The following RASGRF1 variants were observed in gnomAD, a reference collection of about 807,000 sequenced individuals.
RASGRF1 encodes ras-specific guanine nucleotide-releasing factor 1.
A neutral mutation model predicts 138.7 loss-of-function variants in RASGRF1; 40 were observed. The observed-to-expected ratio is 0.29, with a 90% CI of 0.22 to 0.38. The LOEUF is 0.38. Among genes scored for constraint, RASGRF1 ranks in the 10% least tolerant of loss-of-function variants. The pLI, the probability that RASGRF1 is intolerant of heterozygous loss-of-function variation, is 1.00. For synonymous variants in RASGRF1, 614 were observed against 663.2 expected (o/e 0.93, Z 1.14); for missense variants, 1,108 against 1,650.4 (o/e 0.67, Z 5.69).
At chr15:79,077,707 C>A (rs1028428029) in intron 1 of RASGRF1, among the ~76,000 whole-genome samples, 7 of 152,094 alleles carry the variant, frequency 4.6e-5, no homozygotes, top group African/African-American at 1.7e-4. Flanking sequence ...CCAGTTGTAT[C>A]CGTTTTTCCT....
chr15:78,978,437 T>C, intron 24 of RASGRF1: 1 of 814,898 alleles, frequency 1.2e-6, no homozygotes, highest in South Asian at 5.6e-5. Flanking sequence ...GTTGGCAAGG[T>C]TGGTTTCTAG....
intron 4 of RASGRF1, among the ~76,000 whole-genome samples, chr15:79,048,629 A>G (rs774306032): frequency 9.2e-5 from 14 of 152,232 alleles, no homozygotes; most frequent in Non-Finnish European, 2.1e-4. Context: ...AGAAATCCAG[A>G]TTTTTGTGTG....
chr15:78,978,711 T>C, intron 24 of RASGRF1: 1 of 1,074,506 alleles, frequency 9.3e-7, no homozygotes, highest in Non-Finnish European at 1.1e-6. Flanking sequence ...TCAGTATTCA[T>C]GCAACACCGC....
At chr15:79,053,576 G>T (rs916888767) in intron 3 of RASGRF1, among the ~76,000 whole-genome samples, 16 of 152,370 alleles carry the variant, frequency 1.1e-4, no homozygotes, top group Middle Eastern at 3.4e-3. Context: ...CCTTCATGGG[G>T]CTTTCTGGTA....
chr15:78,977,499 A>C (rs2055897704), intron 24 of RASGRF1, among the ~76,000 whole-genome samples: 3 of 152,220 alleles, frequency 2.0e-5, no homozygotes, highest in Admixed American at 2.0e-4. Context: ...CTCTGTGGTC[A>C]CAGGCAGAGA....
chr15:79,077,049 C>A (rs1052031876), intron 1 of RASGRF1, among the ~76,000 whole-genome samples: 1 of 152,196 alleles, frequency 6.6e-6, no homozygotes, highest in South Asian at 2.1e-4. Flanking sequence ...TTCATGAAAG[C>A]CATCCGTGCC....
Position 79,027,771 on chromosome 15 carries a change from G to T in RASGRF1, c.1351C>A (p.Leu451Met). 1.2e-6 allele frequency: 2 copies of T among 1,614,234 alleles called. No individual in the cohort carries two copies. The highest frequency in any genetic ancestry group is 1.7e-6 in the Non-Finnish European group (2 of 1,180,038). Residue 451 changes from leucine (L) to methionine (M), a missense_variant, in exon 9 of 27, where the codon CTG (leucine) becomes ATG (methionine). Physicochemically the swap from Leu to Met is conservative, Grantham distance 15. Around this residue, in one of 3 missense-constraint regions of RASGRF1, gnomAD observed 169 missense variants for 344.2 expected, o/e 0.49. Coordinates refer to ENST00000558480, the MANE Select transcript of RASGRF1 (RefSeq NM_001145648.3). This position sits in a 1 kb window ranked among gnomAD's most constrained non-coding sequence, Gnocchi z 4.8. ...RMIIEGCEIL[L>M]DTSQTFVRQG... is the part of the protein sequence containing the mutation. ...CTCACAAAGGTCTGGCTGGTGTCCA[G>T]GAGGATCTCACAGCCTTCGATGATC...
At chr15:79,011,205 G>A (rs1051613026) in intron 13 of RASGRF1, among the ~76,000 whole-genome samples, 26 of 152,126 alleles carry the variant, frequency 1.7e-4, no homozygotes, top group African/African-American at 2.9e-4. Flanking sequence ...CTTGCCGGTC[G>A]CGTTACCGTG....
intron 1 of RASGRF1, among the ~76,000 whole-genome samples, chr15:79,066,649 C>T (rs564602998): frequency 6.6e-6 from 1 of 152,224 alleles, no homozygotes; most frequent in Non-Finnish European, 1.5e-5. Flanking sequence ...AGACTTCTTC[C>T]CAATCAGCCC....
chr15:79,064,591 A>G lies in RASGRF1; in HGVS notation c.277-65T>C, dbSNP rs1357772847. The G allele has an allele frequency of 4.7e-6, 7 of 1,499,008 alleles. No individual in the cohort carries two copies. In the South Asian group the frequency reaches 5.6e-5, roughly 12 times the overall value. The allele number at this position is 1,499,008 out of a possible 1,614,324, so 92.9% of individuals were successfully genotyped here. ...CATGGGACCAACAACGACTCTTGCA[A>G]TCAATCTAGCTGTTTTGCAAAGTGC... On this transcript the variant is annotated intron_variant, in intron 1 of 26. Coordinates refer to ENST00000558480, the MANE Select transcript of RASGRF1 (RefSeq NM_001145648.3).
In RASGRF1 at chr15:79,076,853, G is replaced by A. The variant is rs114228143; in HGVS notation, c.277-12327C>T. ...AGAACTCTCCCTGGAGCCTGGCACC[G>A]TGCCTTGGCCAGAGCACAGGGTAGC... On this transcript the variant is annotated intron_variant, in intron 1 of 26. Transcript: ENST00000558480. Among the ~76,000 whole-genome samples, 1,029 of 152,324 alleles carry A rather than the reference G, an allele frequency of 6.8e-3. 16 individuals carry two copies. Among genetic ancestry groups the A allele is most frequent in the African/African-American group, 0.024 (994 of 41,568 alleles).
At chr15:79,069,930 T>C (rs921712573) in intron 1 of RASGRF1, among the ~76,000 whole-genome samples, 1 of 152,184 alleles carries the variant, frequency 6.6e-6, no homozygotes, top group African/African-American at 2.4e-5. Context: ...GCAGAAAACC[T>C]TGGCCCTTAT....
chr15:78,985,986 C>T (rs919614307), intron 22 of RASGRF1: 4 of 144,938 alleles, frequency 2.8e-5, no homozygotes, highest in African/African-American at 1.0e-4. Flanking sequence ...AAACCAAATA[C>T]CAACGAGAGC....
intron 1 of RASGRF1, among the ~76,000 whole-genome samples, chr15:79,067,081 C>T (rs560814997): frequency 9.9e-5 from 15 of 150,942 alleles, no homozygotes; most frequent in Non-Finnish European, 2.2e-4. Flanking sequence ...GGATAGGAGA[C>T]ACTGCCTAGA....
In RASGRF1 at chr15:79,032,052, C is replaced by G; in HGVS notation, c.1152+71G>C. 6.6e-7 allele frequency: 1 copy of G among 1,518,618 alleles called. No individual in the cohort carries two copies. The highest frequency in any genetic ancestry group is 1.3e-5 in the South Asian group (1 of 78,248). 94.1% of individuals were successfully genotyped at this position (1,518,618 alleles called of 1,614,324 possible). A position where few individuals can be genotyped will look rare whatever the true frequency, so the allele number is the denominator to read the frequency against. Reference sequence around the variant, plus strand: ...GCTGGGGTGCGTTAAGCACTGTGCCCCCACCGCCATGGTCCATCCCCCACA... The same window carrying G: ...GCTGGGGTGCGTTAAGCACTGTGCCGCCACCGCCATGGTCCATCCCCCACA... On this transcript the variant is annotated intron_variant, in intron 7 of 26. Coordinates refer to ENST00000558480, the MANE Select transcript of RASGRF1 (RefSeq NM_001145648.3). This position sits in a 1 kb window ranked among gnomAD's most constrained non-coding sequence, Gnocchi z 4.5.
chr15:79,012,459 C>T (rs748831395), intron 13 of RASGRF1: 57 of 1,427,798 alleles, frequency 4.0e-5, no homozygotes, highest in East Asian at 1.8e-4. Flanking sequence ...TCTCACTAAA[C>T]GATGAATTTC....
chr15:79,073,163 C>T lies in RASGRF1; in HGVS notation c.277-8637G>A, dbSNP rs748909327. ...TATAGGATACATTCAGATACAGGAC[C>T]CGAGTCCAAGTTTCAATAACAAATC... On this transcript the variant is annotated intron_variant, in intron 1 of 26. Transcript: ENST00000558480. The surrounding 1 kb of genome is among the most constrained non-coding windows in gnomAD (Gnocchi z 4.2). Among the ~76,000 whole-genome samples the T allele has an allele frequency of 1.3e-5, 2 of 151,880 alleles. No individual in the cohort carries two copies. Among genetic ancestry groups the T allele is most frequent in the Admixed American group, 1.3e-4 (2 of 15,216 alleles).
chr15:78,962,262 ATGGGAGGGTTG>A (rs1184956310), intron 26 of RASGRF1, 26 bp from the exon 27 acceptor site: 2 of 1,446,586 alleles, frequency 1.4e-6, no homozygotes, highest in Non-Finnish European at 1.9e-6. Context: ...AGAAAAGGGA[ATGGGAGGGTTG>A]TGGGACCTCC....
rs748249947 is a variant in RASGRF1, at chr15:79,050,243, A to T, written c.532-655T>A. On this transcript the variant is annotated intron_variant, in intron 3 of 26. Transcript: ENST00000558480. The surrounding 1 kb of genome is among the most constrained non-coding windows in gnomAD (Gnocchi z 4.1). Reference sequence around the variant, plus strand: ...CTAGGTACCTCATCTAAGCGGAATCATGCACTATTTGTCTTTCTGTGACCG... The same window carrying T: ...CTAGGTACCTCATCTAAGCGGAATCTTGCACTATTTGTCTTTCTGTGACCG... 1.2e-3 allele frequency among the ~76,000 whole-genome samples: 189 copies of T among 152,296 alleles called. No homozygotes were observed. Among genetic ancestry groups the T allele is most frequent in the Non-Finnish European group, 2.5e-3 (167 of 68,022 alleles).
Sources: gnomAD v4.1 joint callset for allele counts (sites outside exome capture counted in the v4.1 genomes callset) on GRCh38, gnomAD v4.1.1 for gene constraint, gnomAD v4.1.1 regional missense constraint, Gnocchi (gnomAD v3.1) non-coding constraint, MANE v1.5 for transcripts, NCBI Gene and HGNC (gene_info 2026-07-23, HGNC 2026-07-21) for gene names.